Variants in KALRN observed in about 807,000 individuals in gnomAD.
The protein encoded by KALRN is kalirin.
In KALRN, 70 loss-of-function variants were observed where a neutral mutation model predicts 353.7. That is an observed-to-expected ratio of 0.20 (90% CI 0.16 to 0.24). KALRN has a LOEUF of 0.24. KALRN is among the 10% of genes least tolerant of loss of function. The probability of loss-of-function intolerance (pLI) is 1.00; values close to 1 mark genes in which losing one functional copy is unlikely to be tolerated. For synonymous variants in KALRN, 1,391 were observed against 1,434.8 expected (o/e 0.97, Z 0.69); for missense variants, 2,791 against 3,756.7 (o/e 0.74, Z 6.72).
chr3:124,219,370 C>T (rs1444754), intron 1 of KALRN, among the ~76,000 whole-genome samples: 82,488 of 152,026 alleles, frequency 0.54, 22,822 homozygotes, highest in Non-Finnish European at 0.6. Context: ...CTGTCCAGCT[C>T]ACTATAGTGC....
intron 1 of KALRN, among the ~76,000 whole-genome samples, chr3:124,114,582 G>C (rs2063293488): frequency 1.3e-5 from 2 of 152,210 alleles, no homozygotes; most frequent in Admixed American, 1.3e-4. Context: ...CAAGCACTCT[G>C]GATCCGACAC....
intron 34 of KALRN, among the ~76,000 whole-genome samples, chr3:124,571,891 G>A (rs2073551815): frequency 6.6e-6 from 1 of 151,738 alleles, no homozygotes; most frequent in African/African-American, 2.4e-5. Context: ...GCCTACCAAA[G>A]TGCTGGGATT....
chr3:124,682,240 A>C (rs930129687), intron 51 of KALRN, among the ~76,000 whole-genome samples: 6 of 152,210 alleles, frequency 3.9e-5, no homozygotes, highest in African/African-American at 1.4e-4. Flanking sequence ...AAGGCCTCTC[A>C]CTATTCAAGT....
intron 1 of KALRN, among the ~76,000 whole-genome samples, chr3:124,084,282 G>A (rs1480536490): frequency 2.6e-5 from 4 of 152,174 alleles, no homozygotes; most frequent in African/African-American, 4.8e-5. Context: ...CCAACCCCAC[G>A]TCTTTAGTGC....
At chr3:124,308,731 A>G (rs2077950720) in intron 6 of KALRN, among the ~76,000 whole-genome samples, 1 of 151,916 alleles carries the variant, frequency 6.6e-6, no homozygotes, top group Admixed American at 6.6e-5. Flanking sequence ...AAAGTTCTCA[A>G]TAACCTAAAC....
intron 34 of KALRN, among the ~76,000 whole-genome samples, chr3:124,602,580 C>T (rs987774095): frequency 3.9e-5 from 6 of 152,128 alleles, no homozygotes; most frequent in Admixed American, 3.3e-4. Context: ...GACAGAACTA[C>T]CAGCTCTTCT....
At chr3:124,201,927 G>A (rs1465181292) in intron 1 of KALRN, among the ~76,000 whole-genome samples, 2 of 152,218 alleles carry the variant, frequency 1.3e-5, no homozygotes, top group African/African-American at 4.8e-5. Context: ...TGAAAACGAG[G>A]CTCATGCACT....
intron 11 of KALRN, among the ~76,000 whole-genome samples, chr3:124,387,775 C>T (rs1398375839): frequency 6.6e-6 from 1 of 152,144 alleles, no homozygotes; most frequent in Non-Finnish European, 1.5e-5. Context: ...CTATTCAAGA[C>T]ATCTACAACT....
At chr3:124,322,739 C>T (rs2079468412) in intron 6 of KALRN, among the ~76,000 whole-genome samples, 2 of 152,150 alleles carry the variant, frequency 1.3e-5, no homozygotes, top group Admixed American at 1.3e-4. Flanking sequence ...GCTCTTTAAC[C>T]TCATTCTTTC....
At chr3:124,095,464 A>G (rs772307423) in intron 1 of KALRN, among the ~76,000 whole-genome samples, 7 of 152,212 alleles carry the variant, frequency 4.6e-5, no homozygotes, top group Non-Finnish European at 7.3e-5. Flanking sequence ...TATATGGTGC[A>G]CACAGTAGGT....
intron 33 of KALRN, among the ~76,000 whole-genome samples, chr3:124,499,549 G>T (rs183617487): frequency 1.3e-5 from 2 of 152,284 alleles, no homozygotes; most frequent in East Asian, 3.9e-4. Flanking sequence ...AGCTAGTTCT[G>T]CCCTGTGGTT....
At chr3:124,143,285 G>A (rs2066863472) in intron 1 of KALRN, among the ~76,000 whole-genome samples, 3 of 152,148 alleles carry the variant, frequency 2.0e-5, no homozygotes, top group African/African-American at 7.2e-5. Context: ...TCATGTGGAT[G>A]GTGGATGTGT....
At chr3:124,534,565 T>C (rs1042770277) in intron 33 of KALRN, among the ~76,000 whole-genome samples, 1 of 152,132 alleles carries the variant, frequency 6.6e-6, no homozygotes, top group African/African-American at 2.4e-5. Context: ...TCATGGCATC[T>C]AAGCTACATA....
chr3:124,341,471 G>A (rs1274064643), intron 9 of KALRN, among the ~76,000 whole-genome samples: 2 of 152,188 alleles, frequency 1.3e-5, no homozygotes, highest in African/African-American at 2.4e-5. Context: ...GGAGAGGGAA[G>A]GGTAGCATAC....
intron 1 of KALRN, among the ~76,000 whole-genome samples, chr3:124,048,867 A>G (rs1209722787): frequency 6.6e-6 from 1 of 152,230 alleles, no homozygotes; most frequent in Non-Finnish European, 1.5e-5. Flanking sequence ...ATAGACATTT[A>G]TAACCCAGAT....
chr3:124,067,346 T>C (rs2042452612), intron 1 of KALRN, among the ~76,000 whole-genome samples: 1 of 119,830 alleles, frequency 8.3e-6, no homozygotes, highest in East Asian at 2.8e-4. Flanking sequence ...TGATGGGGAA[T>C]TACTCTGATG....
chr3:124,531,537 C>T (rs1033299142), intron 33 of KALRN, among the ~76,000 whole-genome samples: 3 of 152,144 alleles, frequency 2.0e-5, no homozygotes, highest in Non-Finnish European at 4.4e-5. Context: ...TTAATTGGCT[C>T]GTGGTTCCAC....
intron 29 of KALRN, among the ~76,000 whole-genome samples, chr3:124,490,493 G>A (rs1278242522): frequency 6.6e-6 from 1 of 152,170 alleles, no homozygotes; most frequent in African/African-American, 2.4e-5. Context: ...GTGCAGGAAG[G>A]GGGCAGGAGA....
At chr3:124,382,318 C>T (rs1448044565) in intron 10 of KALRN, among the ~76,000 whole-genome samples, 1 of 151,988 alleles carries the variant, frequency 6.6e-6, no homozygotes, top group African/African-American at 2.4e-5. Flanking sequence ...AATTTTAACC[C>T]CTAATTATCT....
Sources: allele counts gnomAD v4.1 joint callset (sites outside exome capture counted in the v4.1 genomes callset), GRCh38; gene constraint gnomAD v4.1.1; transcripts MANE v1.5; gene names NCBI Gene and HGNC (gene_info 2026-07-23, HGNC 2026-07-21).